Variants in TBC1D22A observed in about 807,000 individuals in gnomAD.
TBC1D22A encodes putative GTPase activator.
TBC1D22A carries 38 observed loss-of-function variants against 60.2 expected under a neutral mutation model. That is an observed-to-expected ratio of 0.63 (90% CI 0.49 to 0.83). The LOEUF (loss-of-function observed/expected upper bound fraction) is 0.83, where lower values mean the gene tolerates loss of function less well. Ranked by LOEUF, TBC1D22A falls within the 40% of genes least tolerant of loss-of-function variation. The pLI, the probability that TBC1D22A is intolerant of heterozygous loss-of-function variation, is 0.00. For synonymous variants in TBC1D22A, 302 were observed against 281.7 expected (o/e 1.07, Z -0.72); for missense variants, 628 against 701.0 (o/e 0.90, Z 1.18).
At chr22:46,925,153 T>C (rs2070977785) in intron 8 of TBC1D22A, among the ~76,000 whole-genome samples, 1 of 152,122 alleles carries the variant, frequency 6.6e-6, no homozygotes, top group Non-Finnish European at 1.5e-5. Flanking sequence ...CTCCACCTTG[T>C]TTTTTTTGTG....
intron 4 of TBC1D22A, among the ~76,000 whole-genome samples, chr22:46,806,937 G>A (rs1257867570): frequency 6.6e-6 from 1 of 152,256 alleles, no homozygotes; most frequent in East Asian, 1.9e-4. Context: ...AGGGCTGGCC[G>A]AGCAAATGTG....
intron 12 of TBC1D22A, among the ~76,000 whole-genome samples, chr22:47,154,118 T>C (rs1470679524): frequency 2.0e-5 from 3 of 152,128 alleles, no homozygotes; most frequent in Non-Finnish European, 2.9e-5. Flanking sequence ...CTCCGGGACC[T>C]CCTGGGCCTC....
At chr22:46,895,639 T>C (rs1439208044) in intron 7 of TBC1D22A, among the ~76,000 whole-genome samples, 1 of 152,234 alleles carries the variant, frequency 6.6e-6, no homozygotes, top group African/African-American at 2.4e-5. Flanking sequence ...CCCAAAATGC[T>C]GGGATTACAG....
At chr22:47,151,029 G>A (rs953046864) in intron 12 of TBC1D22A, among the ~76,000 whole-genome samples, 2 of 152,166 alleles carry the variant, frequency 1.3e-5, no homozygotes, top group Non-Finnish European at 2.9e-5. Flanking sequence ...GGGGCCATGG[G>A]GTCTCAGAGA....
intron 4 of TBC1D22A, among the ~76,000 whole-genome samples, chr22:46,817,947 A>G (rs1569083148): frequency 6.6e-6 from 1 of 152,166 alleles, no homozygotes; most frequent in South Asian, 2.1e-4. Flanking sequence ...AATAATTGCT[A>G]TTCTGGCTGG....
chr22:46,771,656 G>A (rs970936956), intron 1 of TBC1D22A, among the ~76,000 whole-genome samples: 13 of 151,190 alleles, frequency 8.6e-5, no homozygotes, highest in African/African-American at 2.7e-4. Context: ...GTGGAGTGGC[G>A]CGATCTCAGC....
chr22:46,821,776 T>G (rs919368173), intron 4 of TBC1D22A, among the ~76,000 whole-genome samples: 2 of 152,148 alleles, frequency 1.3e-5, no homozygotes, highest in African/African-American at 4.8e-5. Flanking sequence ...ATTTACATGT[T>G]GGCCCGTCTT....
At chr22:46,839,811 A>T (rs1440089007) in intron 4 of TBC1D22A, among the ~76,000 whole-genome samples, 1 of 152,244 alleles carries the variant, frequency 6.6e-6, no homozygotes, top group Non-Finnish European at 1.5e-5. Context: ...TGGTCAACTG[A>T]TCTTTGACAA....
At chr22:46,891,180 T>C (rs562777960) in intron 5 of TBC1D22A, 86 bp from the exon 6 acceptor site, 11 of 1,412,186 alleles carry the variant, frequency 7.8e-6, no homozygotes, top group Non-Finnish European at 9.4e-6. Flanking sequence ...TTAGGTATGA[T>C]GCAAGTCTTT....
chr22:46,799,483 A>G (rs926566599), intron 4 of TBC1D22A, among the ~76,000 whole-genome samples: 4 of 152,220 alleles, frequency 2.6e-5, no homozygotes, highest in Admixed American at 2.6e-4. Flanking sequence ...AGGAAATTTA[A>G]CGTTGACACA....
intron 8 of TBC1D22A, among the ~76,000 whole-genome samples, chr22:46,917,750 G>A (rs2070471959): frequency 6.6e-6 from 1 of 152,168 alleles, no homozygotes; most frequent in Non-Finnish European, 1.5e-5. Flanking sequence ...TCTGGGGAGA[G>A]TGGAGTGCAG....
intron 10 of TBC1D22A, among the ~76,000 whole-genome samples, chr22:47,034,801 C>T (rs569809521): frequency 8.5e-5 from 13 of 152,304 alleles, no homozygotes; most frequent in South Asian, 6.2e-4. Context: ...CAACTGATGA[C>T]GATAATTGAC....
intron 11 of TBC1D22A, among the ~76,000 whole-genome samples, chr22:47,043,039 T>C (rs1238887534): frequency 6.6e-6 from 1 of 152,174 alleles, no homozygotes; most frequent in African/African-American, 2.4e-5. Context: ...TGCTCCGGGT[T>C]GGGCCCTGTT....
chr22:46,789,964 A>G (rs904966148), intron 1 of TBC1D22A, among the ~76,000 whole-genome samples: 3 of 150,766 alleles, frequency 2.0e-5, no homozygotes, highest in African/African-American at 7.3e-5. Context: ...TCACGAGGAA[A>G]GGACACAAGA....
chr22:46,905,926 T>C (rs5767397), intron 7 of TBC1D22A, among the ~76,000 whole-genome samples: 62,203 of 152,052 alleles, frequency 0.41, 15,558 homozygotes, highest in African/African-American at 0.68. Flanking sequence ...GGCTGATCTG[T>C]GGTAGCATTT....
intron 4 of TBC1D22A, among the ~76,000 whole-genome samples, chr22:46,837,240 A>T (rs756121464): frequency 6.6e-6 from 1 of 152,348 alleles, no homozygotes; most frequent in Non-Finnish European, 1.5e-5. Context: ...GGAGAACCTC[A>T]ATATATAAAG....
chr22:46,966,696 A>AT (rs1255437837), intron 8 of TBC1D22A, among the ~76,000 whole-genome samples: 2 of 152,364 alleles, frequency 1.3e-5, no homozygotes, highest in South Asian at 2.1e-4. Flanking sequence ...CGCAGTATCT[A>AT]TCCCACAGTT....
At chr22:47,067,434 G>A (rs565618325) in intron 11 of TBC1D22A, among the ~76,000 whole-genome samples, 1 of 152,332 alleles carries the variant, frequency 6.6e-6, no homozygotes, top group Admixed American at 6.5e-5. Context: ...CAGGAGAAAA[G>A]CCAGGGTGCA....
chr22:47,007,893 C>T (rs986950218), intron 10 of TBC1D22A, among the ~76,000 whole-genome samples: 1 of 152,194 alleles, frequency 6.6e-6, no homozygotes, highest in African/African-American at 2.4e-5. Flanking sequence ...TGGGGAAACA[C>T]TAACATTCAG....
Sources: gnomAD v4.1 joint callset for allele counts (sites outside exome capture counted in the v4.1 genomes callset) on GRCh38, gnomAD v4.1.1 for gene constraint, MANE v1.5 for transcripts, NCBI Gene and HGNC (gene_info 2026-07-23, HGNC 2026-07-21) for gene names.